Variants in PKP4 observed in about 807,000 individuals in gnomAD.
PKP4 encodes plakophilin-4.
PKP4 carries 90 observed loss-of-function variants against 145.1 expected under a neutral mutation model. The ratio of observed to expected loss-of-function variants is 0.62; its 90% CI spans 0.52 to 0.74. The LOEUF (loss-of-function observed/expected upper bound fraction) is 0.74. PKP4 is among the 30% of genes least tolerant of loss of function. The pLI is 0.00. For synonymous variants in PKP4, 563 were observed against 577.2 expected (o/e 0.98, Z 0.35); for missense variants, 1,340 against 1,482.7 (o/e 0.90, Z 1.58).
At chr2:158,546,670 G>C (rs895319391) in intron 2 of PKP4, among the ~76,000 whole-genome samples, 4 of 152,148 alleles carry the variant, frequency 2.6e-5, no homozygotes, top group Admixed American at 2.0e-4. Flanking sequence ...TAGAAGATAA[G>C]CATAGAAAAA....
chr2:158,575,754 A>G (rs952764200), intron 2 of PKP4, among the ~76,000 whole-genome samples: 1 of 152,122 alleles, frequency 6.6e-6, no homozygotes, highest in Non-Finnish European at 1.5e-5. Context: ...GCATATAATG[A>G]CAAGTGAGTA....
chr2:158,634,715 T>A (rs2053662524), intron 9 of PKP4, among the ~76,000 whole-genome samples: 1 of 152,242 alleles, frequency 6.6e-6, no homozygotes, highest in Admixed American at 6.5e-5. Flanking sequence ...CCGTGTTACA[T>A]GTTTTCAATC....
At chr2:158,485,189 G>T (rs1693990755) in intron 1 of PKP4, among the ~76,000 whole-genome samples, 2 of 152,172 alleles carry the variant, frequency 1.3e-5, no homozygotes, top group Non-Finnish European at 1.5e-5. Context: ...CAGATTTGCA[G>T]CTACTCTTAA....
chr2:158,612,817 C>T (rs1018310450), intron 4 of PKP4, among the ~76,000 whole-genome samples: 13 of 151,890 alleles, frequency 8.6e-5, no homozygotes, highest in African/African-American at 2.4e-5. Context: ...CTTGAGCATA[C>T]CCCGGACCAT....
intron 5 of PKP4, 50 bp downstream of exon 5, chr2:158,621,171 C>T: frequency 1.2e-6 from 2 of 1,613,228 alleles, no homozygotes; most frequent in East Asian, 2.2e-5. Context: ...AGATTTTATT[C>T]TTGAAAGCGA....
chr2:158,626,729 A>C (rs2052829643), intron 7 of PKP4, among the ~76,000 whole-genome samples: 1 of 152,100 alleles, frequency 6.6e-6, no homozygotes, highest in African/African-American at 2.4e-5. Flanking sequence ...GCTGTACCTC[A>C]TTGTTTTTAA....
chr2:158,502,652 T>A (rs996933632), intron 1 of PKP4, among the ~76,000 whole-genome samples: 4 of 152,192 alleles, frequency 2.6e-5, no homozygotes, highest in African/African-American at 9.6e-5. Context: ...GCACAACTAG[T>A]CTGTAAAACA....
rs561240335 is a variant in PKP4, at chr2:158,584,410, C to T, written c.245+7027C>T. On this transcript the variant is annotated intron_variant, in intron 3 of 21. Coordinates refer to ENST00000389759, the MANE Select transcript of PKP4 (RefSeq NM_003628.6). ...GGCAAGCGCATTCTAGTGGAAGACT[C>T]GGCCAGGAGAAATACTGCAAGATAA... Among the ~76,000 whole-genome samples, 30 of 152,316 alleles carry T rather than the reference C, an allele frequency of 2.0e-4. No individual in the cohort carries two copies. The South Asian group carries it at 3.7e-3, about 19-fold the overall frequency.
chr2:158,633,360 G>A (rs1397107463), intron 8 of PKP4, among the ~76,000 whole-genome samples: 2 of 152,216 alleles, frequency 1.3e-5, no homozygotes, highest in Non-Finnish European at 2.9e-5. Flanking sequence ...CACAAGCACT[G>A]CAGTACTGAG....
rs561451379 is a variant in PKP4, at chr2:158,547,801, A to G, written c.132+14485A>G. 4.6e-5 allele frequency among the ~76,000 whole-genome samples: 7 copies of G among 152,342 alleles called. No individual in the cohort carries two copies. The East Asian group carries it at 1.3e-3, about 29-fold the overall frequency. On this transcript the variant is annotated intron_variant, in intron 2 of 21. Coordinates refer to ENST00000389759, the MANE Select transcript of PKP4 (RefSeq NM_003628.6). Reference sequence around the variant, plus strand: ...GATAGACACTGTTTTACAAAACTCCAGTATGCAGCTTAATATTGGGCACTC... The same window carrying G: ...GATAGACACTGTTTTACAAAACTCCGGTATGCAGCTTAATATTGGGCACTC...
chr2:158,658,156 T>A lies in PKP4; in HGVS notation c.1935T>A (p.Cys645Ter). Residue 645 changes from cysteine (C) to a stop codon, truncating the protein, a stop_gained, in exon 12 of 22, where the codon TGT (cysteine) becomes TGA (stop). Coordinates refer to ENST00000389759, the MANE Select transcript of PKP4 (RefSeq NM_003628.6). LOFTEE classifies it high-confidence loss of function. ...VTGVLWNLSSCDAVKMTIIRD... is the reference protein window; with the variant it reads ...VTGVLWNLSS ...GAGTTCTTTGGAATTTATCCTCATG[T>A]GATGCTGTAAAAATGACAATCATTC... is the stretch of plus-strand genomic sequence containing the variant. The A allele has an allele frequency of 6.2e-7, 1 of 1,603,508 alleles. No individual in the cohort carries two copies. Among genetic ancestry groups the A allele is most frequent in the Non-Finnish European group, 8.5e-7 (1 of 1,172,106 alleles).
chr2:158,534,543 A>G (rs1574347361), intron 2 of PKP4, among the ~76,000 whole-genome samples: 3 of 152,238 alleles, frequency 2.0e-5, no homozygotes, highest in Admixed American at 6.5e-5. Flanking sequence ...ATAGCACTTC[A>G]TAGTTGTCAA....
chr2:158,596,705 A>G (rs1329967335), intron 3 of PKP4, among the ~76,000 whole-genome samples: 1 of 152,072 alleles, frequency 6.6e-6, no homozygotes, highest in Non-Finnish European at 1.5e-5. Flanking sequence ...ATGTAACGCT[A>G]CTCATTTGAG....
intron 21 of PKP4, 106 bp downstream of exon 21, chr2:158,678,760 G>C: frequency 1.3e-6 from 1 of 794,310 alleles, no homozygotes; most frequent in Non-Finnish European, 2.2e-6. Flanking sequence ...CAGGGTCCTA[G>C]ATGCTTTCCC....
chr2:158,525,731 C>T (rs1019370994), intron 1 of PKP4, among the ~76,000 whole-genome samples: 9 of 144,274 alleles, frequency 6.2e-5, no homozygotes, highest in East Asian at 4.2e-4. Flanking sequence ...ATTGATAGAC[C>T]GCTAGCAAGA....
intron 1 of PKP4, among the ~76,000 whole-genome samples, chr2:158,466,446 C>T (rs1477883842): frequency 6.6e-6 from 1 of 152,046 alleles, no homozygotes; most frequent in Non-Finnish European, 1.5e-5. Flanking sequence ...CCTGTAATCC[C>T]AGCACTTTGG....
chr2:158,561,630 A>C (rs183777087), intron 2 of PKP4, among the ~76,000 whole-genome samples: 1 of 152,282 alleles, frequency 6.6e-6, no homozygotes, highest in Non-Finnish European at 1.5e-5. Flanking sequence ...TCTAATTTAG[A>C]CCACCTCTGC....
chr2:158,558,863 C>T (rs1260553600), intron 2 of PKP4, among the ~76,000 whole-genome samples: 1 of 152,086 alleles, frequency 6.6e-6, no homozygotes, highest in Non-Finnish European at 1.5e-5. Context: ...GGTCCCCAAG[C>T]AAAATGAGTA....
chr2:158,561,483 A>C (rs2046510330), intron 2 of PKP4, among the ~76,000 whole-genome samples: 1 of 152,220 alleles, frequency 6.6e-6, no homozygotes, highest in Admixed American at 6.5e-5. Flanking sequence ...TCTCATCAGC[A>C]CCATGCAGTT....
Sources: gnomAD v4.1 joint callset for allele counts (sites outside exome capture counted in the v4.1 genomes callset) on GRCh38, gnomAD v4.1.1 for gene constraint, MANE v1.5 for transcripts, NCBI Gene and HGNC (gene_info 2026-07-23, HGNC 2026-07-21) for gene names.